The following SCAPER variants were observed in gnomAD, a reference collection of about 807,000 sequenced individuals.
SCAPER encodes S phase cyclin A-associated protein in the endoplasmic reticulum.
In SCAPER, 98 loss-of-function variants were observed where a neutral mutation model predicts 182.2. The ratio of observed to expected loss-of-function variants is 0.54; its 90% CI spans 0.46 to 0.64. SCAPER has a LOEUF of 0.64. Ranked by LOEUF, SCAPER falls within the 30% of genes least tolerant of loss-of-function variation. The probability of loss-of-function intolerance (pLI) is 0.00; values close to 1 mark genes in which losing one functional copy is unlikely to be tolerated. For missense variants in SCAPER, 1,432 were observed against 1,690.0 expected, an observed-to-expected ratio of 0.85 and a Z score of 2.68; for synonymous variants, 605 against 564.6, an observed-to-expected ratio of 1.07 and a Z score of -1.01.
At position 76,733,388 on chromosome 15, in the gene SCAPER, T is replaced by TA. The variant is rs531306347; in HGVS notation, c.1867-5dup. 2.6e-3 allele frequency: 4,131 copies of TA among 1,609,360 alleles called. 6 individuals carry two copies. Among genetic ancestry groups the TA allele is most frequent in the Non-Finnish European group, 3.3e-3 (3,871 of 1,178,678 alleles). On this transcript the variant is annotated splice_polypyrimidine_tract_variant and splice_region_variant and intron_variant, in intron 15 of 31. Transcript: ENST00000563290. ...TTATAAAGGCAATTTCATTTACCTT[T>TA]AAAAAAACAAAGAAGGTAAGGTTCA...
intron 22 of SCAPER, among the ~76,000 whole-genome samples, chr15:76,608,787 A>T (rs2050704198): frequency 6.6e-6 from 1 of 152,182 alleles, no homozygotes. Context: ...TGTGCTAGCA[A>T]TGAGTGAGAC....
chr15:76,895,180 C>T (rs1388662223), intron 1 of SCAPER, among the ~76,000 whole-genome samples: 2 of 152,162 alleles, frequency 1.3e-5, no homozygotes, highest in Non-Finnish European at 2.9e-5. Context: ...GCATCATACA[C>T]TATGATCAGG....
At position 76,807,715 on chromosome 15, in the gene SCAPER, G is replaced by A. The variant is rs533266023; in HGVS notation, c.394-3082C>T. On this transcript the variant is annotated intron_variant, in intron 5 of 31. Coordinates refer to ENST00000563290, the MANE Select transcript of SCAPER (RefSeq NM_020843.4). ...CACCCCATAACAGTCCCCAGAATGT[G>A]ATATTAACTAACATTAATTTTAACT... Among the ~76,000 whole-genome samples, 5 of 126,204 alleles carry A rather than the reference G, an allele frequency of 4.0e-5. No homozygotes were observed. In the East Asian group the frequency reaches 1.2e-3, roughly 30 times the overall value. The allele number at this position is 126,204 out of a possible 152,430, so 82.8% of individuals were successfully genotyped here. A position where few individuals can be genotyped will look rare whatever the true frequency, so the allele number is the denominator to read the frequency against.
chr15:76,534,416 G>A (rs1013789208), intron 23 of SCAPER, among the ~76,000 whole-genome samples: 4 of 152,168 alleles, frequency 2.6e-5, no homozygotes, highest in South Asian at 2.1e-4. Context: ...CCAAAGATAC[G>A]GTCACAATTT....
intron 5 of SCAPER, among the ~76,000 whole-genome samples, chr15:76,827,699 G>A (rs1437897944): frequency 6.6e-6 from 1 of 152,010 alleles, no homozygotes; most frequent in Non-Finnish European, 1.5e-5. Flanking sequence ...TGAATGGATA[G>A]GAACTTTGTA....
intron 5 of SCAPER, among the ~76,000 whole-genome samples, chr15:76,820,825 G>T: frequency 6.6e-6 from 1 of 150,646 alleles, no homozygotes; most frequent in Admixed American, 6.6e-5. Flanking sequence ...GTCCTTAACA[G>T]ACACTTCACC....
intron 17 of SCAPER, among the ~76,000 whole-genome samples, chr15:76,720,125 T>G (rs2060128157): frequency 7.3e-6 from 1 of 136,380 alleles, no homozygotes; most frequent in Non-Finnish European, 1.5e-5. Flanking sequence ...TTCCCCTTCC[T>G]GTGTCCATGC....
chr15:76,563,072 GGAAGT>G (rs937824037), intron 23 of SCAPER, among the ~76,000 whole-genome samples: 1 of 152,034 alleles, frequency 6.6e-6, no homozygotes, highest in Non-Finnish European at 1.5e-5. Context: ...ATAAAGAAAA[GGAAGT>G]CGCTTCTTAA....
intron 1 of SCAPER, among the ~76,000 whole-genome samples, chr15:76,904,078 AC>A (rs1282804960): frequency 6.6e-6 from 1 of 152,226 alleles, no homozygotes; most frequent in Non-Finnish European, 1.5e-5. Flanking sequence ...ATCATCTGCA[AC>A]CAACAAACTT....
chr15:76,873,436 A>C (rs2072921117), intron 2 of SCAPER, among the ~76,000 whole-genome samples: 1 of 152,112 alleles, frequency 6.6e-6, no homozygotes, highest in South Asian at 2.1e-4. Context: ...TAATGGGCTT[A>C]TAGGAAGAAA....
At chr15:76,765,175 T>G (rs1364061224) in intron 13 of SCAPER, 103 bp from the exon 14 acceptor site, 1 of 1,062,894 alleles carries the variant, frequency 9.4e-7, no homozygotes, top group African/African-American at 1.6e-5. Flanking sequence ...ACAAAACTAA[T>G]TTTGGCCCAA....
intron 22 of SCAPER, among the ~76,000 whole-genome samples, chr15:76,590,635 C>T (rs1209798823): frequency 1.3e-5 from 2 of 152,200 alleles, no homozygotes; most frequent in African/African-American, 2.4e-5. Flanking sequence ...ATGAATATTT[C>T]TCAAAGAACT....
chr15:76,517,640 C>T (rs151312969), intron 23 of SCAPER, among the ~76,000 whole-genome samples: 76 of 152,204 alleles, frequency 5.0e-4, no homozygotes, highest in African/African-American at 1.8e-3. Flanking sequence ...CGTAAGCCAC[C>T]GTGCCCAGCC....
At chr15:76,741,873 T>C (rs527417781) in intron 15 of SCAPER, among the ~76,000 whole-genome samples, 3 of 152,228 alleles carry the variant, frequency 2.0e-5, no homozygotes, top group Non-Finnish European at 2.9e-5. Flanking sequence ...CAATAGGCAA[T>C]TGAGTCTAGA....
chr15:76,763,899 G>A (rs1333599843), intron 14 of SCAPER, among the ~76,000 whole-genome samples: 5 of 151,620 alleles, frequency 3.3e-5, no homozygotes, highest in East Asian at 1.9e-4. Flanking sequence ...TTCTCTCACC[G>A]TTCACTGACC....
intron 25 of SCAPER, among the ~76,000 whole-genome samples, chr15:76,441,163 C>A (rs1285382323): frequency 2.6e-5 from 4 of 151,908 alleles, no homozygotes. Flanking sequence ...CCTCGTGATC[C>A]ACCCGCCTTG....
chr15:76,483,932 T>C (rs2051366116), intron 24 of SCAPER, among the ~76,000 whole-genome samples: 1 of 152,164 alleles, frequency 6.6e-6, no homozygotes. Flanking sequence ...GAAGACAGTT[T>C]GGTAGTTCTT....
At chr15:76,843,809 A>T (rs533925120) in intron 4 of SCAPER, among the ~76,000 whole-genome samples, 34 of 152,116 alleles carry the variant, frequency 2.2e-4, no homozygotes, top group Middle Eastern at 3.4e-3. Context: ...AAAAAAAAAA[A>T]TCATAGAGGC....
chr15:76,398,362 T>C (rs942065724), intron 27 of SCAPER, among the ~76,000 whole-genome samples: 1 of 152,230 alleles, frequency 6.6e-6, no homozygotes, highest in Non-Finnish European at 1.5e-5. Context: ...GTACTGTAGA[T>C]AGTTGTATAG....
Sources: gnomAD v4.1 joint callset for allele counts (sites outside exome capture counted in the v4.1 genomes callset) on GRCh38, gnomAD v4.1.1 for gene constraint, MANE v1.5 for transcripts, NCBI Gene and HGNC (gene_info 2026-07-23, HGNC 2026-07-21) for gene names.